NLK: variants seen among roughly 807,000 people sequenced by gnomAD.
The protein encoded by NLK is serine/threonine-protein kinase NLK.
In NLK, 11 loss-of-function variants were observed where a neutral mutation model predicts 59.0. That is an observed-to-expected ratio of 0.19 (90% confidence interval 0.12 to 0.31). The LOEUF is 0.31. Ranked by LOEUF, NLK falls within the 10% of genes least tolerant of loss-of-function variation. The pLI, the probability that NLK is intolerant of heterozygous loss-of-function variation, is 1.00. For missense variants in NLK, 410 were observed against 661.1 expected (o/e 0.62, Z 4.16); for synonymous variants, 235 against 235.9 (o/e 1.00, Z 0.03).
chr17:28,102,056 T>C (rs941945422), intron 1 of NLK, among the ~76,000 whole-genome samples: 1 of 152,216 alleles, frequency 6.6e-6, no homozygotes, highest in African/African-American at 2.4e-5. Context: ...GATTGGGTAT[T>C]GTTTCTTTGT....
intron 1 of NLK, among the ~76,000 whole-genome samples, chr17:28,095,177 AC>A (rs1904657379): frequency 6.6e-6 from 1 of 152,176 alleles, no homozygotes; most frequent in African/African-American, 2.4e-5. Context: ...CATGAGTTAT[AC>A]ATGGTGCTAG....
At chr17:28,176,501 A>G (rs746786202) in intron 7 of NLK, among the ~76,000 whole-genome samples, 8 of 152,204 alleles carry the variant, frequency 5.3e-5, no homozygotes, top group Non-Finnish European at 1.2e-4. Flanking sequence ...TACCATTACT[A>G]TTCCTTTTTA....
intron 1 of NLK, among the ~76,000 whole-genome samples, chr17:28,111,584 A>G (rs1905480861): frequency 6.6e-6 from 1 of 152,184 alleles, no homozygotes; most frequent in African/African-American, 2.4e-5. Context: ...TAGATAATAC[A>G]GTGTAACAGC....
chr17:28,200,050 T>C (rs1909589099), downstream of NLK, among the ~76,000 whole-genome samples: 1 of 152,248 alleles, frequency 6.6e-6, no homozygotes, highest in Admixed American at 6.5e-5. Context: ...TTATATATTC[T>C]GAATACAGGT....
intron 1 of NLK, among the ~76,000 whole-genome samples, chr17:28,099,068 C>T (rs1904808311): frequency 6.6e-6 from 1 of 152,006 alleles, no homozygotes; most frequent in South Asian, 2.1e-4. Flanking sequence ...ACAAAAAGGT[C>T]CACCCATTTT....
At chr17:28,165,419 G>C (rs1448480667) in intron 5 of NLK, among the ~76,000 whole-genome samples, 1 of 152,096 alleles carries the variant, frequency 6.6e-6, no homozygotes, top group Non-Finnish European at 1.5e-5. Flanking sequence ...AATGCCATTT[G>C]TGAATACACA....
At chr17:28,192,549 C>T (rs201497269) in intron 10 of NLK, among the ~76,000 whole-genome samples, 1 of 151,966 alleles carries the variant, frequency 6.6e-6, no homozygotes, top group Admixed American at 6.6e-5. Context: ...ATGCCTGTAA[C>T]CCCAGCTACT....
chr17:28,068,140 CAA>C (rs1183536787), intron 1 of NLK, among the ~76,000 whole-genome samples: 19 of 69,834 alleles, frequency 2.7e-4, no homozygotes, highest in Admixed American at 5.1e-4. Context: ...GACTCCGTCT[CAA>C]AAAAAAAAAA....
At chr17:28,114,592 T>C (rs935216370) in intron 1 of NLK, among the ~76,000 whole-genome samples, 3 of 152,220 alleles carry the variant, frequency 2.0e-5, no homozygotes, top group Middle Eastern at 3.2e-3. Context: ...CCAGTGTAAT[T>C]AGTGCTTTTT....
At chr17:28,193,711 A>C in intron 10 of NLK, among the ~76,000 whole-genome samples, 1 of 152,116 alleles carries the variant, frequency 6.6e-6, no homozygotes, top group Non-Finnish European at 1.5e-5. Context: ...ATCATATTAA[A>C]GTTGGTTGGA....
intron 1 of NLK, among the ~76,000 whole-genome samples, chr17:28,055,616 A>G (rs1305512797): frequency 6.6e-6 from 1 of 152,148 alleles, no homozygotes; most frequent in African/African-American, 2.4e-5. Flanking sequence ...AGTAGCTGGG[A>G]TTATAGACAT....
At chr17:28,067,222 A>C (rs1271653123) in intron 1 of NLK, among the ~76,000 whole-genome samples, 1 of 152,200 alleles carries the variant, frequency 6.6e-6, no homozygotes, top group Non-Finnish European at 1.5e-5. Context: ...TGTATAGTTT[A>C]ATGGTTTACA....
chr17:28,082,827 A>G (rs542055981), intron 1 of NLK, among the ~76,000 whole-genome samples: 2 of 152,366 alleles, frequency 1.3e-5, no homozygotes, highest in East Asian at 3.9e-4. Flanking sequence ...ATGCAGGTGC[A>G]CATCTTAGAA....
intron 1 of NLK, among the ~76,000 whole-genome samples, chr17:28,070,770 G>A (rs907357445): frequency 6.6e-6 from 1 of 152,074 alleles, no homozygotes; most frequent in Non-Finnish European, 1.5e-5. Context: ...TAATTTTAAA[G>A]TAAAACACTA....
At chr17:28,201,085 C>T (rs1323906800), downstream of NLK, among the ~76,000 whole-genome samples, 1 of 152,160 alleles carries the variant, frequency 6.6e-6, no homozygotes, top group Non-Finnish European at 1.5e-5. Flanking sequence ...ACCTGTATCA[C>T]ACTTTGTTTT....
rs112077625 is a variant in NLK, at chr17:28,050,942, T to C, written c.458+7611T>C. ...CAACATAGTGAAATCTCATCTCCAC[T>C]AAAAGTACAGAAAAAAAAAATTAGC... is the stretch of plus-strand genomic sequence containing the variant. On this transcript the variant is annotated intron_variant, in intron 1 of 10. Transcript: ENST00000407008. Among the ~76,000 whole-genome samples, 994 of 151,532 alleles carry C rather than the reference T, an allele frequency of 6.6e-3. 17 individuals are homozygous for C. The highest frequency in any genetic ancestry group is 0.022 in the African/African-American group (928 of 41,290).
chr17:28,059,583 A>G (rs1404657087), intron 1 of NLK, among the ~76,000 whole-genome samples: 1 of 152,124 alleles, frequency 6.6e-6, no homozygotes, highest in Admixed American at 6.6e-5. Context: ...GCTAGAGTAG[A>G]AAAAAAAGTT....
chr17:28,088,855 G>A (rs555580588), intron 1 of NLK, among the ~76,000 whole-genome samples: 65 of 151,964 alleles, frequency 4.3e-4, no homozygotes, highest in African/African-American at 1.5e-3. Context: ...TTTTTTAGTG[G>A]GCATATCTTT....
intron 3 of NLK, among the ~76,000 whole-genome samples, chr17:28,141,944 T>A (rs1019034102): frequency 6.6e-6 from 1 of 152,238 alleles, no homozygotes; most frequent in East Asian, 1.9e-4. Flanking sequence ...TATGTACATA[T>A]GCATTTGCTT....
Sources: gnomAD v4.1 joint callset for allele counts (sites outside exome capture counted in the v4.1 genomes callset) on GRCh38, gnomAD v4.1.1 for gene constraint, MANE v1.5 for transcripts, NCBI Gene and HGNC (gene_info 2026-07-23, HGNC 2026-07-21) for gene names.